Variants in STXBP5L observed in about 807,000 individuals in gnomAD.
STXBP5L encodes the protein syntaxin-binding protein 5-like.
Under a neutral mutation model 144.5 loss-of-function variants are expected in STXBP5L, and 65 were observed. The observed-to-expected ratio is 0.45, with a 90% CI of 0.37 to 0.55. The LOEUF is 0.55. Among genes scored for constraint, STXBP5L ranks in the 20% least tolerant of loss-of-function variants. The probability of loss-of-function intolerance (pLI) is 0.00; values close to 1 mark genes in which losing one functional copy is unlikely to be tolerated. For synonymous variants in STXBP5L, 505 were observed against 469.6 expected (o/e 1.08, Z -0.97); for missense variants, 1,298 against 1,405.5 (o/e 0.92, Z 1.22).
intron 7 of STXBP5L, among the ~76,000 whole-genome samples, chr3:121,143,229 G>A (rs2045578875): frequency 6.6e-6 from 1 of 151,014 alleles, no homozygotes. Context: ...ACGAGGAAAA[G>A]CTCAGGATGG....
At chr3:121,418,280 C>T in intron 25 of STXBP5L, 57 bp from the exon 26 acceptor site, 4 of 1,530,430 alleles carry the variant, frequency 2.6e-6, no homozygotes, top group Non-Finnish European at 3.5e-6. Flanking sequence ...TGGTGACAAG[C>T]TTGACTGTTT....
intron 20 of STXBP5L, among the ~76,000 whole-genome samples, chr3:121,327,262 A>G (rs995542365): frequency 6.6e-6 from 1 of 152,172 alleles, no homozygotes; most frequent in Non-Finnish European, 1.5e-5. Context: ...CTGCAATTCT[A>G]TTTTTATTTA....
chr3:121,311,335 CACAA>C (rs1484511634), intron 19 of STXBP5L, among the ~76,000 whole-genome samples: 8 of 152,106 alleles, frequency 5.3e-5, no homozygotes, highest in Admixed American at 3.9e-4. Context: ...AAAGGAAAAA[CACAA>C]ACAAATCAAA....
intron 20 of STXBP5L, among the ~76,000 whole-genome samples, chr3:121,361,482 C>G (rs1014495524): frequency 6.6e-6 from 1 of 151,788 alleles, no homozygotes; most frequent in South Asian, 2.1e-4. Flanking sequence ...CTTTTTTATT[C>G]TCTTTTCTTT....
At chr3:120,992,637 CT>C (rs1342853523) in intron 3 of STXBP5L, among the ~76,000 whole-genome samples, 2 of 151,992 alleles carry the variant, frequency 1.3e-5, no homozygotes, top group East Asian at 3.8e-4. Context: ...GGATTTTATT[CT>C]TTTTTTAAAT....
intron 5 of STXBP5L, among the ~76,000 whole-genome samples, chr3:121,100,922 T>C (rs183964883): frequency 1.2e-3 from 184 of 151,876 alleles, no homozygotes; most frequent in Non-Finnish European, 2.1e-3. Flanking sequence ...TTATAACTGA[T>C]CCCACAAAAA....
At chr3:121,066,370 AT>A (rs1423206371) in intron 5 of STXBP5L, among the ~76,000 whole-genome samples, 2 of 150,060 alleles carry the variant, frequency 1.3e-5, no homozygotes, top group African/African-American at 4.9e-5. Flanking sequence ...GCGTATATAT[AT>A]ATATATATAC....
intron 3 of STXBP5L, among the ~76,000 whole-genome samples, chr3:120,989,119 G>T (rs998317447): frequency 1.3e-5 from 2 of 152,018 alleles, no homozygotes; most frequent in Non-Finnish European, 2.9e-5. Context: ...CTTGTGCTGT[G>T]CTAAATGTAT....
At chr3:121,373,598 G>T (rs1346147639) in intron 20 of STXBP5L, among the ~76,000 whole-genome samples, 1 of 152,158 alleles carries the variant, frequency 6.6e-6, no homozygotes, top group Non-Finnish European at 1.5e-5. Flanking sequence ...TCTGGCACCT[G>T]AGCCATGCAG....
chr3:120,923,504 C>T (rs1466616929), intron 2 of STXBP5L, among the ~76,000 whole-genome samples: 4 of 151,884 alleles, frequency 2.6e-5, no homozygotes, highest in Non-Finnish European at 5.9e-5. Context: ...ACTGCTTTTG[C>T]TGTATCTCAT....
At chr3:121,114,863 A>C (rs775172377) in intron 5 of STXBP5L, 62 bp from the exon 6 acceptor site, 13 of 1,212,886 alleles carry the variant, frequency 1.1e-5, no homozygotes, top group Non-Finnish European at 1.1e-5. Flanking sequence ...ACATGTAAGG[A>C]AAATATAATG....
chr3:120,909,792 C>A (rs749572293), intron 2 of STXBP5L, 25 bp downstream of exon 2: 2 of 1,590,638 alleles, frequency 1.3e-6, no homozygotes, highest in Admixed American at 1.9e-5. Flanking sequence ...GGCTTAAAGC[C>A]TATTATTTCT....
At chr3:120,924,146 A>G (rs1208622193) in intron 2 of STXBP5L, among the ~76,000 whole-genome samples, 1 of 152,206 alleles carries the variant, frequency 6.6e-6, no homozygotes, top group Non-Finnish European at 1.5e-5. Flanking sequence ...TTATACCAGT[A>G]TGTTTCACAT....
intron 3 of STXBP5L, among the ~76,000 whole-genome samples, chr3:120,963,850 C>A (rs1396330496): frequency 6.6e-6 from 1 of 152,166 alleles, no homozygotes; most frequent in African/African-American, 2.4e-5. Context: ...AGGAATGATA[C>A]CAGCTCCTCT....
intron 19 of STXBP5L, among the ~76,000 whole-genome samples, chr3:121,302,160 T>A (rs564185674): frequency 6.6e-6 from 1 of 152,332 alleles, no homozygotes; most frequent in African/African-American, 2.4e-5. Flanking sequence ...AATTCGGCTG[T>A]GAATACATCT....
chr3:121,079,517 G>A (rs114153976), intron 5 of STXBP5L, among the ~76,000 whole-genome samples: 1 of 152,038 alleles, frequency 6.6e-6, no homozygotes, highest in African/African-American at 2.4e-5. Context: ...AACTTTAAGA[G>A]GATTTTAAAA....
In STXBP5L at chr3:121,418,447, A is replaced by C. The variant is rs1479094668; in HGVS notation, c.3337A>C (p.Thr1113Pro). 5 of 1,614,080 alleles carry C rather than the reference A, an allele frequency of 3.1e-6. No homozygotes were observed. The highest frequency in any genetic ancestry group is 4.2e-6 in the Non-Finnish European group (5 of 1,179,972). The change falls in exon 26 of 27, where the codon ACC becomes CCC. Residue 1113 changes from threonine (T) to proline (P), a missense_variant. Transcript: ENST00000471454. ...GAAGGVMGEL[T>P]RARIALDERG... Reference sequence around the variant, plus strand: ...TGCTGGAGGGGTGATGGGAGAGCTGACCCGTGCACGGATTGCACTTGATGA... The same window carrying C: ...TGCTGGAGGGGTGATGGGAGAGCTGCCCCGTGCACGGATTGCACTTGATGA...
chr3:121,039,254 G>A (rs1044084151), intron 3 of STXBP5L, among the ~76,000 whole-genome samples: 1 of 151,822 alleles, frequency 6.6e-6, no homozygotes, highest in Non-Finnish European at 1.5e-5. Context: ...CTAATTAGCT[G>A]TAATCTTCTT....
At chr3:121,323,053 T>C (rs1014271106) in intron 20 of STXBP5L, among the ~76,000 whole-genome samples, 5 of 152,214 alleles carry the variant, frequency 3.3e-5, no homozygotes, top group African/African-American at 1.2e-4. Context: ...TGTTTTGTGC[T>C]TGTTGAATTG....
Sources: gnomAD v4.1 joint callset for allele counts (sites outside exome capture counted in the v4.1 genomes callset) on GRCh38, gnomAD v4.1.1 for gene constraint, MANE v1.5 for transcripts, NCBI Gene and HGNC (gene_info 2026-07-23, HGNC 2026-07-21) for gene names.